The following GULP1 variants were observed in gnomAD, a reference collection of about 807,000 sequenced individuals.
The protein encoded by GULP1 is GULP PTB domain containing engulfment adaptor 1.
In GULP1, 19 loss-of-function variants were observed where a neutral mutation model predicts 40.9. The ratio of observed to expected loss-of-function variants is 0.46; its 90% CI spans 0.32 to 0.68. The LOEUF (loss-of-function observed/expected upper bound fraction) is 0.68, where lower values mean the gene tolerates loss of function less well. Ranked by LOEUF, GULP1 falls within the 30% of genes least tolerant of loss-of-function variation. The pLI is 0.03. For synonymous variants in GULP1, 119 were observed against 117.6 expected (o/e 1.01, Z -0.08); for missense variants, 312 against 362.2 (o/e 0.86, Z 1.12).
intron 4 of GULP1, among the ~76,000 whole-genome samples, chr2:188,517,774 C>T (rs2065333833): frequency 6.6e-6 from 1 of 151,988 alleles, no homozygotes; most frequent in Non-Finnish European, 1.5e-5. Flanking sequence ...AGATTAGCAG[C>T]TAGTATCCTG....
intron 7 of GULP1, among the ~76,000 whole-genome samples, chr2:188,562,654 CA>C (rs149165414): frequency 3.3e-5 from 5 of 151,178 alleles, no homozygotes; most frequent in Non-Finnish European, 5.9e-5. Context: ...ATAAAAGTAC[CA>C]AAAAAAACCC....
intron 1 of GULP1, among the ~76,000 whole-genome samples, chr2:188,351,104 C>T (rs2044387799): frequency 6.6e-6 from 1 of 151,948 alleles, no homozygotes; most frequent in East Asian, 1.9e-4. Context: ...TGGAATTTGA[C>T]AATTAGCTCT....
chr2:188,366,597 T>TA (rs1354101608), intron 1 of GULP1, among the ~76,000 whole-genome samples: 2 of 143,644 alleles, frequency 1.4e-5, no homozygotes, highest in Middle Eastern at 3.5e-3. Context: ...TCTTTTTTTT[T>TA]TTTTTTTTTT....
rs985946027 is a variant in GULP1 at position 188,514,103 on chromosome 2, G to A, written c.91-8653G>A. On this transcript the variant is annotated intron_variant, in intron 4 of 11. Coordinates refer to ENST00000409830, the MANE Select transcript of GULP1 (RefSeq NM_016315.4). ...TGTGTGCGCCCTGCCACTGGGTGGC[G>A]TCCTGTCTAGGGCTGTTTCCAGCTT... Among the ~76,000 whole-genome samples the A allele has an allele frequency of 9.2e-5, 13 of 141,342 alleles. 1 individual carries two copies. The highest frequency in any genetic ancestry group is 2.2e-4 in the Admixed American group (3 of 13,366). 92.7% of individuals were successfully genotyped at this position (141,342 alleles called of 152,430 possible). A position where few individuals can be genotyped will look rare whatever the true frequency, so the allele number is the denominator to read the frequency against.
chr2:188,460,005 T>TCTG (rs2059575234), intron 2 of GULP1, among the ~76,000 whole-genome samples: 2 of 152,188 alleles, frequency 1.3e-5, no homozygotes, highest in African/African-American at 4.8e-5. Flanking sequence ...GGTCTATGTG[T>TCTG]CTGTTTTTAT....
chr2:188,359,089 A>G (rs985436418), intron 1 of GULP1, among the ~76,000 whole-genome samples: 1 of 152,150 alleles, frequency 6.6e-6, no homozygotes, highest in African/African-American at 2.4e-5. Flanking sequence ...TATTTTTTTC[A>G]CAGATAAATT....
At chr2:188,390,263 C>T (rs944377277) in intron 2 of GULP1, among the ~76,000 whole-genome samples, 1 of 152,008 alleles carries the variant, frequency 6.6e-6, no homozygotes, top group Non-Finnish European at 1.5e-5. Context: ...CTGTTTTTGC[C>T]ACTTCCACGC....
intron 2 of GULP1, among the ~76,000 whole-genome samples, chr2:188,436,039 C>G (rs991646112): frequency 2.6e-5 from 4 of 152,098 alleles, no homozygotes. Flanking sequence ...ACCTCTCCAT[C>G]TTTACCATGT....
At chr2:188,361,127 G>A (rs756272033) in intron 1 of GULP1, among the ~76,000 whole-genome samples, 8 of 152,096 alleles carry the variant, frequency 5.3e-5, no homozygotes, top group Admixed American at 2.6e-4. Context: ...TGTAAAATAC[G>A]TTCTGCTTTG....
intron 4 of GULP1, among the ~76,000 whole-genome samples, chr2:188,521,867 G>A (rs904743713): frequency 2.0e-5 from 3 of 152,146 alleles, no homozygotes; most frequent in African/African-American, 7.2e-5. Flanking sequence ...ACGAGGTCAG[G>A]AGATCGAGAC....
chr2:188,387,895 T>TATA (rs567145399), intron 2 of GULP1, among the ~76,000 whole-genome samples: 68 of 152,188 alleles, frequency 4.5e-4, no homozygotes, highest in African/African-American at 1.4e-3. Context: ...TTGTTATTAT[T>TATA]ATACTTTAAG....
At chr2:188,332,923 C>T (rs1476497127) in intron 1 of GULP1, among the ~76,000 whole-genome samples, 2 of 152,056 alleles carry the variant, frequency 1.3e-5, no homozygotes, top group Non-Finnish European at 2.9e-5. Context: ...TAAGTAGCTT[C>T]GTCAGCTTTT....
intron 2 of GULP1, among the ~76,000 whole-genome samples, chr2:188,412,773 CAAGT>C (rs1273287930): frequency 5.3e-5 from 8 of 152,228 alleles, no homozygotes; most frequent in African/African-American, 9.6e-5. Flanking sequence ...ATTTTAGTAA[CAAGT>C]AGGTATGATT....
At chr2:188,580,508 C>G (rs954452305) in intron 9 of GULP1, among the ~76,000 whole-genome samples, 11 of 150,272 alleles carry the variant, frequency 7.3e-5, no homozygotes, top group African/African-American at 1.5e-4. Flanking sequence ...AGCCGAGATC[C>G]CGCCACTGCA....
intron 1 of GULP1, among the ~76,000 whole-genome samples, chr2:188,353,094 C>T (rs765289402): frequency 3.7e-4 from 56 of 152,170 alleles, no homozygotes; most frequent in Non-Finnish European, 5.9e-4. Flanking sequence ...AGTAGGTATA[C>T]AATGGCAAAG....
At chr2:188,405,587 G>A (rs918142105) in intron 2 of GULP1, among the ~76,000 whole-genome samples, 25 of 152,188 alleles carry the variant, frequency 1.6e-4, no homozygotes, top group African/African-American at 5.6e-4. Context: ...CTTCAGGCCA[G>A]CCCTCAGTGA....
chr2:188,416,515 A>G (rs1013758098), intron 2 of GULP1, among the ~76,000 whole-genome samples: 2 of 152,128 alleles, frequency 1.3e-5, no homozygotes, highest in African/African-American at 4.8e-5. Flanking sequence ...GATTACAGCA[A>G]ATCACAAGGC....
At chr2:188,541,479 A>C (rs1290867753) in intron 7 of GULP1, 161 bp downstream of exon 7, 1 of 708,996 alleles carries the variant, frequency 1.4e-6, no homozygotes, top group Non-Finnish European at 2.6e-6. Context: ...TTATTTTGTC[A>C]TGAGAATATG....
chr2:188,299,159 G>C, intron 1 of GULP1, among the ~76,000 whole-genome samples: 1 of 140,732 alleles, frequency 7.1e-6, no homozygotes, highest in Middle Eastern at 3.3e-3. Context: ...GATGACTAAG[G>C]ACAGAGCAGG....
Sources: allele counts gnomAD v4.1 joint callset (sites outside exome capture counted in the v4.1 genomes callset), GRCh38; gene constraint gnomAD v4.1.1; transcripts MANE v1.5; gene names NCBI Gene and HGNC (gene_info 2026-07-23, HGNC 2026-07-21).